The following SLC35F4 variants were observed in gnomAD, a reference collection of about 807,000 sequenced individuals.
SLC35F4 encodes the protein solute carrier family 35 member F4.
Under a neutral mutation model 44.2 loss-of-function variants are expected in SLC35F4, and 24 were observed. The observed-to-expected ratio is 0.54, with a 90% CI of 0.39 to 0.76. The LOEUF is 0.76. Among genes scored for constraint, SLC35F4 ranks in the 30% least tolerant of loss-of-function variants. The probability of loss-of-function intolerance (pLI) is 0.00; values close to 1 mark genes in which losing one functional copy is unlikely to be tolerated. For synonymous variants in SLC35F4, 238 were observed against 223.6 expected, an observed-to-expected ratio of 1.06 and a Z score of -0.57; for missense variants, 562 against 586.1, an observed-to-expected ratio of 0.96 and a Z score of 0.42.
rs2077856097 is a variant in SLC35F4 at position 57,789,473 on chromosome 14, A to T, written c.103+76250T>A. 3.3e-5 allele frequency among the ~76,000 whole-genome samples: 5 copies of T among 152,334 alleles called. 1 individual carries two copies. In the South Asian group the frequency reaches 1.0e-3, roughly 32 times the overall value. ...AGAAGTCCAATCCCTCAATAGATCA[A>T]TAACAAGTTCTGAAATTGAGGCAGT... On this transcript the variant is annotated intron_variant, in intron 1 of 7. Transcript: ENST00000556826.
At chr14:57,566,051 C>T (rs2068191023) in intron 7 of SLC35F4, among the ~76,000 whole-genome samples, 1 of 152,098 alleles carries the variant, frequency 6.6e-6, no homozygotes, top group East Asian at 1.9e-4. Flanking sequence ...TGCTCTGCCC[C>T]AGGAGAGCTT....
At chr14:57,823,199 T>C (rs1465678843) in intron 1 of SLC35F4, among the ~76,000 whole-genome samples, 2 of 152,064 alleles carry the variant, frequency 1.3e-5, no homozygotes, top group East Asian at 1.9e-4. Context: ...TTCTCTTGGA[T>C]TGTGCTCCTT....
chr14:57,969,721 T>C lies in SLC35F4; in HGVS notation n.282+12192A>G, dbSNP rs574106021. On this transcript the variant is annotated intron_variant and non_coding_transcript_variant, in intron 1 of 1. Transcript: ENST00000556568. ...ATTTATTTGGCTGTTTTTGGATCTATAAATGGTCTCAGATATGCTCATATT... is the reference window on the plus strand; with the variant it reads ...ATTTATTTGGCTGTTTTTGGATCTACAAATGGTCTCAGATATGCTCATATT... Among the ~76,000 whole-genome samples, 6 of 152,368 alleles carry C rather than the reference T, an allele frequency of 3.9e-5. No homozygotes were observed. In the South Asian group the frequency reaches 1.2e-3, roughly 32 times the overall value.
chr14:57,881,909 C>A (rs1325107903), intron 1 of SLC35F4, among the ~76,000 whole-genome samples: 2 of 152,158 alleles, frequency 1.3e-5, no homozygotes, highest in Non-Finnish European at 1.5e-5. Context: ...TTCCACGCCT[C>A]TTTTCCAGTT....
At chr14:57,855,289 T>C (rs1253388048) in intron 1 of SLC35F4, among the ~76,000 whole-genome samples, 1 of 151,990 alleles carries the variant, frequency 6.6e-6, no homozygotes, top group Non-Finnish European at 1.5e-5. Flanking sequence ...TCTATCCACC[T>C]GACAAAGGAC....
At chr14:57,784,365 TAGA>T (rs1338584927) in intron 1 of SLC35F4, among the ~76,000 whole-genome samples, 2 of 152,190 alleles carry the variant, frequency 1.3e-5, no homozygotes, top group Non-Finnish European at 1.5e-5. Context: ...AATTAGATGG[TAGA>T]AGAAGGATTA....
At chr14:57,636,069 C>T (rs2073003805) in intron 1 of SLC35F4, among the ~76,000 whole-genome samples, 1 of 152,064 alleles carries the variant, frequency 6.6e-6, no homozygotes, top group African/African-American at 2.4e-5. Context: ...GGAAAATTAT[C>T]CAGAGCTGCC....
At chr14:57,780,054 A>T (rs755853929) in intron 1 of SLC35F4, among the ~76,000 whole-genome samples, 8 of 152,186 alleles carry the variant, frequency 5.3e-5, no homozygotes, top group Non-Finnish European at 5.9e-5. Context: ...CACTACTCCT[A>T]TTCAACAAAG....
chr14:57,569,811 C>A lies in SLC35F4; in HGVS notation c.1103G>T (p.Cys368Phe). 6.2e-7 allele frequency: 1 copy of A among 1,606,942 alleles called. No homozygotes were observed. ...ACCCAGCCACAGCCCTGCCATCCCACAGAGACAGCCCCATGGCAGAGCAGC... is the reference window on the plus strand; with the variant it reads ...ACCCAGCCACAGCCCTGCCATCCCAAAGAGACAGCCCCATGGCAGAGCAGC... ...SFAALPWGCLCGMAGLWLAFN... is the reference protein window; with the variant it reads ...SFAALPWGCLFGMAGLWLAFN... The change falls in exon 6 of 8, where the codon TGT (cysteine) becomes TTT (phenylalanine). Residue 368 changes from cysteine to phenylalanine, a missense_variant. Physicochemically the swap from Cys to Phe is radical, Grantham distance 205 (BLOSUM62 -2). Coordinates refer to ENST00000556826, the MANE Select transcript of SLC35F4 (RefSeq NM_001306087.2).
At chr14:57,656,559 G>A (rs533603874) in intron 1 of SLC35F4, among the ~76,000 whole-genome samples, 5 of 152,090 alleles carry the variant, frequency 3.3e-5, no homozygotes, top group Admixed American at 1.3e-4. Flanking sequence ...ATTTTAGGTA[G>A]CATGGCAGTT....
At chr14:57,928,815 C>G (rs1889634506) in intron 1 of SLC35F4, among the ~76,000 whole-genome samples, 1 of 152,150 alleles carries the variant, frequency 6.6e-6, no homozygotes, top group Non-Finnish European at 1.5e-5. Flanking sequence ...CAATTAAGAA[C>G]ATCTTGAAAC....
intron 1 of SLC35F4, among the ~76,000 whole-genome samples, chr14:57,960,468 T>C (rs1236925090): frequency 6.6e-6 from 1 of 152,242 alleles, no homozygotes; most frequent in Non-Finnish European, 1.5e-5. Context: ...TGTCTTTCTT[T>C]TCCTATTATT....
At chr14:57,697,391 T>C (rs2075414551) in intron 1 of SLC35F4, among the ~76,000 whole-genome samples, 1 of 152,082 alleles carries the variant, frequency 6.6e-6, no homozygotes, top group Non-Finnish European at 1.5e-5. Flanking sequence ...CTGAATATGA[T>C]TATTATAGAA....
intron 1 of SLC35F4, among the ~76,000 whole-genome samples, chr14:57,921,934 A>T (rs1402858626): frequency 6.6e-6 from 1 of 152,168 alleles, no homozygotes; most frequent in African/African-American, 2.4e-5. Context: ...TTTGCAAAAA[A>T]TGTTAACTGC....
At chr14:57,874,632 T>C (rs1487726852) in intron 1 of SLC35F4, among the ~76,000 whole-genome samples, 1 of 152,188 alleles carries the variant, frequency 6.6e-6, no homozygotes, top group African/African-American at 2.4e-5. Flanking sequence ...CAGTGGATCA[T>C]CTTTCCCCTG....
chr14:57,694,561 G>C (rs993540092), intron 1 of SLC35F4, among the ~76,000 whole-genome samples: 1 of 152,068 alleles, frequency 6.6e-6, no homozygotes, highest in African/African-American at 2.4e-5. Flanking sequence ...TTTCCAGCTT[G>C]TAACTATTTG....
At chr14:57,860,616 C>G (rs1595239536) in intron 1 of SLC35F4, among the ~76,000 whole-genome samples, 1 of 152,160 alleles carries the variant, frequency 6.6e-6, no homozygotes, top group East Asian at 1.9e-4. Context: ...TACATCAACA[C>G]ACTGTTTCCC....
At chr14:57,637,945 T>C (rs1040720712) in intron 1 of SLC35F4, among the ~76,000 whole-genome samples, 1 of 152,058 alleles carries the variant, frequency 6.6e-6, no homozygotes. Context: ...CCAGCATTAA[T>C]GTTAAAATAA....
At chr14:57,664,041 G>A (rs1333009570) in intron 1 of SLC35F4, among the ~76,000 whole-genome samples, 1 of 152,072 alleles carries the variant, frequency 6.6e-6, no homozygotes, top group Non-Finnish European at 1.5e-5. Flanking sequence ...ACTGTACATA[G>A]AGGAGAATAT....
Sources: gnomAD v4.1 joint callset for allele counts (sites outside exome capture counted in the v4.1 genomes callset) on GRCh38, gnomAD v4.1.1 for gene constraint, MANE v1.5 for transcripts, NCBI Gene and HGNC (gene_info 2026-07-23, HGNC 2026-07-21) for gene names.